The following ARHGAP19 variants were observed in gnomAD, a reference collection of about 807,000 sequenced individuals.
ARHGAP19 encodes Rho GTPase activating protein 19, also known as rho GTPase-activating protein 19.
A neutral mutation model predicts 60.9 loss-of-function variants in ARHGAP19; 48 were observed. That is an observed-to-expected ratio of 0.79 (90% CI 0.62 to 1.00). The LOEUF (loss-of-function observed/expected upper bound fraction) is 1.00. Ranked by LOEUF, ARHGAP19 falls within the 50% of genes least tolerant of loss-of-function variation. ARHGAP19 has a pLI of 0.00. For missense variants in ARHGAP19, 562 were observed against 597.2 expected (o/e 0.94, Z 0.61); for synonymous variants, 209 against 215.5 (o/e 0.97, Z 0.27).
intron 1 of ARHGAP19, chr10:97,270,755 C>T (rs556941131): frequency 1.6e-6 from 2 of 1,285,660 alleles, no homozygotes; most frequent in African/African-American, 1.5e-5. Flanking sequence ...TACAAGGGCA[C>T]ATTATGGGGC....
At chr10:97,289,875 GAAAGAAAAGAA>G (rs200731885) in intron 1 of ARHGAP19, among the ~76,000 whole-genome samples, 234 of 150,236 alleles carry the variant, frequency 1.6e-3, no homozygotes, top group East Asian at 5.7e-3. Flanking sequence ...AAGAAAGAAA[GAAAGAAAAGAA>G]AAAGAAAAGA....
At chr10:97,241,098 A>C (rs1842473957) in intron 8 of ARHGAP19, among the ~76,000 whole-genome samples, 1 of 150,744 alleles carries the variant, frequency 6.6e-6, no homozygotes, top group Admixed American at 6.6e-5. Flanking sequence ...AGGCAGGTGG[A>C]TCATTTGGGG....
In ARHGAP19 at chr10:97,272,131, C is replaced by CTTTTTTTTTTTTTTTTT. The variant is rs35980234; in HGVS notation, c.57-6023_57-6007dup. Among the ~76,000 whole-genome samples, 4 of 85,634 alleles carry CTTTTTTTTTTTTTTTTT rather than the reference C, an allele frequency of 4.7e-5. 1 individual carries two copies. The highest frequency in any genetic ancestry group is 3.5e-4 in the Admixed American group (2 of 5,790). The allele number at this position is 85,634 out of a possible 152,430, so 56.2% of individuals were successfully genotyped here. On this transcript the variant is annotated intron_variant, in intron 1 of 11. Transcript: ENST00000358531. Reference sequence around the variant, plus strand: ...TTATACACTTAGGTGGGAAATATGTCTTTTTTTTTTTTTTTTTTTTTTCAG... The same window carrying CTTTTTTTTTTTTTTTTT: ...TTATACACTTAGGTGGGAAATATGTCTTTTTTTTTTTTTTTTTTTTTTTTTTTTTTTTTTTTTTTCAG...
At position 97,246,301 on chromosome 10, in the gene ARHGAP19, A is replaced by G. The variant is rs776891701; in HGVS notation, c.964T>C (p.Tyr322His). Residue 322 changes from tyrosine (Y) to histidine (H), a missense_variant, in exon 7 of 12, where the codon TAT becomes CAT. Physicochemically the swap from Tyr to His is moderately conservative, Grantham distance 83. Coordinates refer to ENST00000358531, the MANE Select transcript of ARHGAP19 (RefSeq NM_032900.6). ...AYIRECARLH[Y>H]LGSRTQASKD... ...GATGCCTGAGTTCTGGATCCCAAAT[A>G]GTGCAATCTCGCACACTCCCGAATG... is the stretch of plus-strand genomic sequence containing the variant. 8.1e-6 allele frequency: 13 copies of G among 1,613,968 alleles called. No homozygotes were observed. The highest frequency in any genetic ancestry group is 1.1e-5 in the Non-Finnish European group (13 of 1,179,956).
intron 1 of ARHGAP19, among the ~76,000 whole-genome samples, chr10:97,288,788 C>G (rs1013096621): frequency 6.7e-6 from 1 of 148,416 alleles, no homozygotes; most frequent in African/African-American, 2.5e-5. Context: ...AAATGCCTTA[C>G]AGAAACCCCA....
intron 4 of ARHGAP19, among the ~76,000 whole-genome samples, chr10:97,261,620 A>G (rs1170123874): frequency 2.6e-5 from 4 of 152,156 alleles, no homozygotes; most frequent in African/African-American, 9.7e-5. Flanking sequence ...CATCATTTGG[A>G]TTGCTACTAA....
rs1243405543 is a variant in ARHGAP19, at chr10:97,265,875, A to G, written c.307T>C (p.Ser103Pro). The change falls in exon 2 of 12, where the codon TCT becomes CCT. Residue 103 changes from serine to proline, a missense_variant. Ser to Pro is a moderately conservative substitution (Grantham distance 74). Transcript: ENST00000358531. ...PASGFFRSLM[S>P]LKRKEKGVIF... is the part of the protein sequence containing the mutation. ...CATCTCCTACCCTTTCGCTTGAGAG[A>G]CATGAGAGACCGGAAGAATCCTGAT... is the stretch of plus-strand genomic sequence containing the variant. The G allele has an allele frequency of 6.2e-7, 1 of 1,614,064 alleles. No homozygotes were observed. Among genetic ancestry groups the G allele is most frequent in the Non-Finnish European group, 8.5e-7 (1 of 1,179,982 alleles).
chr10:97,256,470 C>A, intron 5 of ARHGAP19, 66 bp from the exon 6 acceptor site: 1 of 1,135,514 alleles, frequency 8.8e-7, no homozygotes, highest in Non-Finnish European at 1.3e-6. Context: ...TACCAATAAG[C>A]CTGTTCTTTC....
intron 4 of ARHGAP19, 110 bp from the exon 5 acceptor site, chr10:97,259,738 G>T (rs902075408): frequency 6.6e-5 from 49 of 746,040 alleles, no homozygotes; most frequent in Middle Eastern, 5.1e-4. Context: ...AGGGAAAAAA[G>T]ATTCAGGCAG....
At chr10:97,292,481 G>T in intron 1 of ARHGAP19, 91 bp downstream of exon 1, 1 of 1,495,686 alleles carries the variant, frequency 6.7e-7, no homozygotes. Flanking sequence ...AACAAAGCCC[G>T]AACCGTGCGC....
At chr10:97,230,049 A>G (rs1850978654) in intron 9 of ARHGAP19, among the ~76,000 whole-genome samples, 175 bp from the exon 10 acceptor site, 1 of 152,166 alleles carries the variant, frequency 6.6e-6, no homozygotes, top group Admixed American at 6.5e-5. Flanking sequence ...ATGTTACCAA[A>G]AAAACCCAAA....
rs1186449740 is a variant in ARHGAP19 at position 97,265,663 on chromosome 10, G to A, written c.322+197C>T. ...TCAGGGACTGAAAATATTTGCTTTA[G>A]TTTAATTATTTATTTATCTAGACAG... On this transcript the variant is annotated intron_variant, in intron 2 of 11. Transcript: ENST00000358531. The A allele has an allele frequency of 1.1e-5, 7 of 611,074 alleles. No individual in the cohort carries two copies. The East Asian group carries it at 2.1e-4, about 18-fold the overall frequency. 37.9% of individuals were successfully genotyped at this position (611,074 alleles called of 1,614,324 possible).
At chr10:97,226,612 G>C (rs1850900347) in intron 11 of ARHGAP19, among the ~76,000 whole-genome samples, 1 of 152,184 alleles carries the variant, frequency 6.6e-6, no homozygotes, top group Admixed American at 6.5e-5. Flanking sequence ...ACAAGGCACT[G>C]TCATTTTTCG....
At chr10:97,251,423 AG>A (rs1226883013) in intron 6 of ARHGAP19, among the ~76,000 whole-genome samples, 2 of 50,024 alleles carry the variant, frequency 4.0e-5, no homozygotes, top group Non-Finnish European at 7.8e-5. Context: ...AGGAAGGGGA[AG>A]GGAAGGGGAA....
intron 1 of ARHGAP19, among the ~76,000 whole-genome samples, chr10:97,270,870 G>T (rs1264331617): frequency 6.6e-6 from 1 of 152,190 alleles, no homozygotes; most frequent in East Asian, 1.9e-4. Context: ...CATAGATGAA[G>T]CTCAAAAGCA....
At chr10:97,249,838 G>A (rs990294445) in intron 6 of ARHGAP19, among the ~76,000 whole-genome samples, 53 of 137,488 alleles carry the variant, frequency 3.9e-4, no homozygotes, top group African/African-American at 1.2e-3. Flanking sequence ...TGGCTCTGTC[G>A]CCCAGGCTGG....
chr10:97,265,787 A>G, intron 2 of ARHGAP19, 73 bp downstream of exon 2: 2 of 1,541,334 alleles, frequency 1.3e-6, no homozygotes. Context: ...CTCTTCGGTG[A>G]ATGTGTAGAT....
At chr10:97,228,727 G>A (rs560833928) in intron 11 of ARHGAP19, among the ~76,000 whole-genome samples, 32 of 152,254 alleles carry the variant, frequency 2.1e-4, no homozygotes, top group African/African-American at 3.1e-4. Flanking sequence ...CCTTAGGCAC[G>A]AGCTGTTGAT....
chr10:97,240,234 T>C (rs1200847601), intron 8 of ARHGAP19, among the ~76,000 whole-genome samples: 3 of 149,822 alleles, frequency 2.0e-5, no homozygotes, highest in Non-Finnish European at 4.4e-5. Flanking sequence ...ATGCCACTTC[T>C]AGAAAATAAT....
Sources: allele counts gnomAD v4.1 joint callset (sites outside exome capture counted in the v4.1 genomes callset), GRCh38; gene constraint gnomAD v4.1.1; transcripts MANE v1.5; gene names NCBI Gene and HGNC (gene_info 2026-07-23, HGNC 2026-07-21).